Variants in VAT1L observed in about 807,000 individuals in gnomAD.
VAT1L encodes vesicle amine transport 1 like.
In VAT1L, 34 loss-of-function variants were observed where a neutral mutation model predicts 44.1. The observed-to-expected ratio is 0.77, with a 90% CI of 0.59 to 1.03. VAT1L has a LOEUF of 1.03. Ranked by LOEUF, VAT1L falls within the 50% of genes least tolerant of loss-of-function variation. The pLI, the probability that VAT1L is intolerant of heterozygous loss-of-function variation, is 0.00. For synonymous variants in VAT1L, 253 were observed against 202.2 expected (o/e 1.25, Z -2.13); for missense variants, 615 against 538.8 (o/e 1.14, Z -1.40).
intron 7 of VAT1L, among the ~76,000 whole-genome samples, chr16:77,940,517 T>C (rs994356220): frequency 2.0e-5 from 3 of 151,976 alleles, no homozygotes; most frequent in Non-Finnish European, 2.9e-5. Flanking sequence ...GTAATTTTTG[T>C]ATTTTTTAGT....
intron 7 of VAT1L, among the ~76,000 whole-genome samples, chr16:77,921,421 AT>A (rs1363327716): frequency 6.6e-6 from 1 of 152,186 alleles, no homozygotes; most frequent in South Asian, 2.1e-4. Flanking sequence ...AGGAGAACCC[AT>A]GGAAGAAATA....
At chr16:77,837,761 A>G (rs2016655150) in intron 3 of VAT1L, among the ~76,000 whole-genome samples, 1 of 152,182 alleles carries the variant, frequency 6.6e-6, no homozygotes, top group Admixed American at 6.5e-5. Context: ...TCCTCTATAA[A>G]GAACAGGTCT....
At chr16:77,834,351 T>C (rs920843986) in intron 3 of VAT1L, among the ~76,000 whole-genome samples, 1 of 152,226 alleles carries the variant, frequency 6.6e-6, no homozygotes, top group Non-Finnish European at 1.5e-5. Flanking sequence ...TATAAGCAGC[T>C]GCCCAGCCAG....
intron 2 of VAT1L, among the ~76,000 whole-genome samples, chr16:77,823,276 A>T (rs78647958): frequency 0.018 from 2,748 of 152,252 alleles, 84 homozygotes; most frequent in African/African-American, 0.063. Flanking sequence ...AAACATCGTC[A>T]TCATAGTTTC....
intron 7 of VAT1L, among the ~76,000 whole-genome samples, chr16:77,960,774 C>T (rs1208271400): frequency 6.6e-6 from 1 of 152,072 alleles, no homozygotes; most frequent in African/African-American, 2.4e-5. Context: ...CCTCCTCAGC[C>T]CTGATTGAGG....
At chr16:77,799,494 T>G (rs1256109961) in intron 1 of VAT1L, among the ~76,000 whole-genome samples, 3 of 148,070 alleles carry the variant, frequency 2.0e-5, no homozygotes, top group East Asian at 4.0e-4. Flanking sequence ...ACAGCCCCAC[T>G]GGAATACATG....
chr16:77,891,653 T>C (rs913016195), intron 7 of VAT1L, among the ~76,000 whole-genome samples: 1 of 152,202 alleles, frequency 6.6e-6, no homozygotes, highest in Non-Finnish European at 1.5e-5. Flanking sequence ...GATTTGTGTT[T>C]TTCATTCTAA....
chr16:77,800,624 G>C (rs1348595482), intron 1 of VAT1L: 1 of 152,028 alleles, frequency 6.6e-6, no homozygotes, highest in East Asian at 1.9e-4. Context: ...TTTTCCCACT[G>C]CCATACACTA....
intron 3 of VAT1L, among the ~76,000 whole-genome samples, chr16:77,830,886 G>A (rs1237022005): frequency 2.6e-5 from 4 of 152,164 alleles, no homozygotes; most frequent in African/African-American, 7.2e-5. Flanking sequence ...ATTTCACCAC[G>A]TTGGCGAGGC....
chr16:77,907,736 C>A (rs2017453185), intron 7 of VAT1L, among the ~76,000 whole-genome samples: 2 of 152,168 alleles, frequency 1.3e-5, no homozygotes, highest in African/African-American at 4.8e-5. Flanking sequence ...CCCAAAACTT[C>A]ATAGTTCTCC....
intron 7 of VAT1L, among the ~76,000 whole-genome samples, chr16:77,889,094 C>T (rs1265758937): frequency 1.3e-5 from 2 of 152,180 alleles, no homozygotes; most frequent in African/African-American, 4.8e-5. Flanking sequence ...CTCTGAAGGA[C>T]TGTAATGATT....
chr16:77,807,254 C>G (rs1411061807), intron 1 of VAT1L, among the ~76,000 whole-genome samples: 1 of 152,140 alleles, frequency 6.6e-6, no homozygotes, highest in Non-Finnish European at 1.5e-5. Flanking sequence ...CTTTTAGAAT[C>G]TCAGTGCTCA....
intron 7 of VAT1L, among the ~76,000 whole-genome samples, chr16:77,954,688 G>A (rs1432310569): frequency 1.3e-5 from 2 of 152,164 alleles, no homozygotes; most frequent in Admixed American, 6.5e-5. Context: ...AGCCAAGCAG[G>A]GGACCTGTCT....
chr16:77,811,727 C>A (rs2914445), intron 1 of VAT1L, among the ~76,000 whole-genome samples: 98,781 of 152,066 alleles, frequency 0.65, 32,283 homozygotes, highest in South Asian at 0.72. Flanking sequence ...AGGCACCTAA[C>A]CATCTCTCAG....
chr16:77,905,467 T>C (rs1219192586), intron 7 of VAT1L, among the ~76,000 whole-genome samples: 2 of 152,156 alleles, frequency 1.3e-5, no homozygotes, highest in African/African-American at 4.8e-5. Flanking sequence ...AGTGCAAACA[T>C]AGAGTAGCCT....
intron 7 of VAT1L, among the ~76,000 whole-genome samples, chr16:77,910,642 C>A (rs1368209115): frequency 8.3e-5 from 12 of 143,832 alleles, no homozygotes; most frequent in Non-Finnish European, 1.8e-4. Context: ...CCACTGCACT[C>A]CAGCCTGGGC....
rs555603962 is a variant in VAT1L at position 77,805,317 on chromosome 16, A to C, written c.234-11604A>C. On this transcript the variant is annotated intron_variant, in intron 1 of 8. Coordinates refer to ENST00000302536, the MANE Select transcript of VAT1L (RefSeq NM_020927.3). Reference sequence around the variant, plus strand: ...AGATAACAAAACTGGCACTTGAGCAAATCAAAAAAGAAAAAAGATTTATGC... The same window carrying C: ...AGATAACAAAACTGGCACTTGAGCACATCAAAAAAGAAAAAAGATTTATGC... Among the ~76,000 whole-genome samples, 4 of 152,216 alleles carry C rather than the reference A, an allele frequency of 2.6e-5. No homozygotes were observed. In the South Asian group the frequency reaches 8.3e-4, roughly 32 times the overall value.
In VAT1L at chr16:77,803,417, C is replaced by CTTTTTTTTTTTTTTTTTTTTTTTTTTTT. The variant is rs11379202; in HGVS notation, c.234-13484_234-13483insTTTTTTTTTTTTTTTTTTTTTTTTTTTT. 1.9e-5 allele frequency among the ~76,000 whole-genome samples: 2 copies of CTTTTTTTTTTTTTTTTTTTTTTTTTTTT among 105,534 alleles called. 1 individual carries two copies. The highest frequency in any genetic ancestry group is 3.5e-5 in the Non-Finnish European group (2 of 56,406). 69.2% of individuals were successfully genotyped at this position (105,534 alleles called of 152,430 possible). On this transcript the variant is annotated intron_variant, in intron 1 of 8. Coordinates refer to ENST00000302536, the MANE Select transcript of VAT1L (RefSeq NM_020927.3). ...TGAAACAACCATTTTACTAGACATT[C>CTTTTTTTTTTTTTTTTTTTTTTTTTTTT]TTTTTTTTTTTTTTTTTTTTGAGAT... is the stretch of plus-strand genomic sequence containing the variant.
chr16:77,800,515 A>G (rs1484808019), intron 1 of VAT1L: 4 of 152,194 alleles, frequency 2.6e-5, no homozygotes, highest in Non-Finnish European at 5.9e-5. Context: ...GTACCCACAG[A>G]GAGTTTCAAG....
Sources: allele counts gnomAD v4.1 joint callset (sites outside exome capture counted in the v4.1 genomes callset), GRCh38; gene constraint gnomAD v4.1.1; transcripts MANE v1.5; gene names NCBI Gene and HGNC (gene_info 2026-07-23, HGNC 2026-07-21).